The following AKAP6 variants were observed in gnomAD, a reference collection of about 807,000 sequenced individuals.
AKAP6 encodes A-kinase anchor protein 6.
Under a neutral mutation model 188.5 loss-of-function variants are expected in AKAP6, and 58 were observed. The ratio of observed to expected loss-of-function variants is 0.31; its 90% CI spans 0.25 to 0.38. AKAP6 has a LOEUF of 0.38. Ranked by LOEUF, AKAP6 falls within the 10% of genes least tolerant of loss-of-function variation. The pLI is 1.00. For missense variants in AKAP6, 2,710 were observed against 2,740.0 expected, an observed-to-expected ratio of 0.99 and a Z score of 0.24; for synonymous variants, 989 against 998.6, an observed-to-expected ratio of 0.99 and a Z score of 0.18.
At chr14:32,390,054 T>A (rs1251572831) in intron 1 of AKAP6, among the ~76,000 whole-genome samples, 1 of 152,142 alleles carries the variant, frequency 6.6e-6, no homozygotes, top group Non-Finnish European at 1.5e-5. Context: ...CTTATTCTTT[T>A]TTCTTTGTCT....
chr14:32,662,941 C>T (rs1266902188), intron 7 of AKAP6, among the ~76,000 whole-genome samples: 1 of 151,998 alleles, frequency 6.6e-6, no homozygotes, highest in Non-Finnish European at 1.5e-5. Flanking sequence ...AGCTATAGTT[C>T]CTCTTTTAAA....
At chr14:32,634,161 A>G (rs1290681300) in intron 7 of AKAP6, among the ~76,000 whole-genome samples, 2 of 152,074 alleles carry the variant, frequency 1.3e-5, no homozygotes, top group Non-Finnish European at 2.9e-5. Context: ...AGTGCCAACT[A>G]GCTGGGTAAC....
At chr14:32,566,194 G>A (rs1462078730) in intron 4 of AKAP6, among the ~76,000 whole-genome samples, 2 of 152,054 alleles carry the variant, frequency 1.3e-5, no homozygotes, top group Non-Finnish European at 2.9e-5. Flanking sequence ...ACGTGATATT[G>A]TAATAGATTA....
intron 12 of AKAP6, among the ~76,000 whole-genome samples, chr14:32,807,349 A>G (rs1168734721): frequency 6.6e-6 from 1 of 151,944 alleles, no homozygotes. Context: ...AAAGATTTAA[A>G]TTTCACTCAT....
intron 1 of AKAP6, among the ~76,000 whole-genome samples, chr14:32,396,195 G>T (rs1888873074): frequency 6.6e-6 from 1 of 152,154 alleles, no homozygotes. Flanking sequence ...GAGTTTGCTT[G>T]TGAAATATGA....
chr14:32,345,842 A>C (rs1181089901), intron 1 of AKAP6, among the ~76,000 whole-genome samples: 6 of 152,152 alleles, frequency 3.9e-5, no homozygotes, highest in African/African-American at 1.4e-4. Flanking sequence ...AGCCCTCAGG[A>C]GAGTATATTG....
chr14:32,342,141 C>A (rs1425964242), intron 1 of AKAP6, among the ~76,000 whole-genome samples: 1 of 152,184 alleles, frequency 6.6e-6, no homozygotes, highest in Non-Finnish European at 1.5e-5. Flanking sequence ...TCTTCTATTT[C>A]CATGTGCTGA....
chr14:32,336,377 T>A (rs1886701875), intron 1 of AKAP6, among the ~76,000 whole-genome samples: 1 of 152,104 alleles, frequency 6.6e-6, no homozygotes, highest in Admixed American at 6.6e-5. Flanking sequence ...ACTATGTCCA[T>A]CACTGTACAA....
At chr14:32,698,399 G>T (rs1890491228) in intron 9 of AKAP6, among the ~76,000 whole-genome samples, 3 of 152,080 alleles carry the variant, frequency 2.0e-5, no homozygotes. Context: ...TTCAATTGGT[G>T]CCCAGGCCTT....
At chr14:32,803,822 A>C (rs2034019664) in intron 12 of AKAP6, among the ~76,000 whole-genome samples, 1 of 152,172 alleles carries the variant, frequency 6.6e-6, no homozygotes, top group Admixed American at 6.5e-5. Flanking sequence ...CAGTTTGTCA[A>C]AAACAAAACT....
intron 2 of AKAP6, among the ~76,000 whole-genome samples, chr14:32,523,499 G>T: frequency 6.8e-6 from 1 of 146,866 alleles, no homozygotes; most frequent in Non-Finnish European, 1.5e-5. Flanking sequence ...GACGGGGTCT[G>T]ATTCTGTCGC....
rs7144631 is a variant in AKAP6 at position 32,501,384 on chromosome 14, G to A, written c.325-34170G>A. On this transcript the variant is annotated intron_variant, in intron 2 of 13. Coordinates refer to ENST00000280979, the MANE Select transcript of AKAP6 (RefSeq NM_004274.5). ...ATTTTTCTAGGACCTCAGAATCCTC[G>A]ATCTTCAGAATCCAGTCAGCAGACA... Among the ~76,000 whole-genome samples the A allele has an allele frequency of 2.9e-3, 443 of 152,108 alleles. 4 individuals are homozygous for A. The highest frequency in any genetic ancestry group is 0.01 in the African/African-American group (415 of 41,500).
rs115572907 is a variant in AKAP6 at position 32,578,061 on chromosome 14, C to T, written c.2469+819C>T. Among the ~76,000 whole-genome samples, 391 of 152,076 alleles carry T rather than the reference C, an allele frequency of 2.6e-3. 1 individual carries two copies. The highest frequency in any genetic ancestry group is 8.7e-3 in the African/African-American group (361 of 41,496). ...TTGACAAAGGCAATGAACATGAATC[C>T]TTGGGTACTCAACTGTGGGGTTGAT... On this transcript the variant is annotated intron_variant, in intron 5 of 13. Transcript: ENST00000280979.
chr14:32,556,955 A>G (rs1306946287), intron 4 of AKAP6, among the ~76,000 whole-genome samples: 2 of 150,666 alleles, frequency 1.3e-5, no homozygotes, highest in African/African-American at 2.4e-5. Context: ...GTTCCCACCC[A>G]TATTTTAAGG....
At chr14:32,403,947 G>T (rs1026096541) in intron 1 of AKAP6, among the ~76,000 whole-genome samples, 1 of 152,104 alleles carries the variant, frequency 6.6e-6, no homozygotes, top group Non-Finnish European at 1.5e-5. Context: ...TTTATTGTCT[G>T]CTAGGTGTAA....
In AKAP6 at chr14:32,725,155, CT is replaced by C. The variant is rs532606335; in HGVS notation, c.3001-7295del. 2.7e-3 allele frequency among the ~76,000 whole-genome samples: 408 copies of C among 152,204 alleles called. 2 individuals are homozygous for C. The highest frequency in any genetic ancestry group is 9.4e-3 in the African/African-American group (390 of 41,548). ...TTTGCCTGAATTCTAAACTTTTCCC[CT>C]TTTACTAGCTTTCTATTTTTCTTTT... On this transcript the variant is annotated intron_variant, in intron 9 of 13. Transcript: ENST00000280979.
intron 2 of AKAP6, among the ~76,000 whole-genome samples, chr14:32,479,880 A>G (rs775662325): frequency 2.6e-5 from 4 of 152,204 alleles, no homozygotes; most frequent in African/African-American, 4.8e-5. Flanking sequence ...AACTGTGACA[A>G]ATACATTTGT....
intron 1 of AKAP6, among the ~76,000 whole-genome samples, chr14:32,400,563 CAA>C (rs71432051): frequency 5.4e-5 from 4 of 73,980 alleles, no homozygotes; most frequent in South Asian, 7.4e-4. Flanking sequence ...CCACTTTTAG[CAA>C]AAAAAAAAAA....
intron 11 of AKAP6, among the ~76,000 whole-genome samples, chr14:32,743,877 T>C (rs1201449672): frequency 1.3e-5 from 2 of 152,186 alleles, no homozygotes; most frequent in Non-Finnish European, 2.9e-5. Context: ...CAGTGAGTTT[T>C]TTACCTTCAG....
Sources: gnomAD v4.1 joint callset for allele counts (sites outside exome capture counted in the v4.1 genomes callset) on GRCh38, gnomAD v4.1.1 for gene constraint, MANE v1.5 for transcripts, NCBI Gene and HGNC (gene_info 2026-07-23, HGNC 2026-07-21) for gene names.